Variants in DEF6 observed in about 807,000 individuals in gnomAD.
DEF6 encodes DEF6 guanine nucleotide exchange factor.
DEF6 carries 32 observed loss-of-function variants against 80.5 expected under a neutral mutation model. The ratio of observed to expected loss-of-function variants is 0.40; its 90% CI spans 0.30 to 0.53. The LOEUF is 0.53. Ranked by LOEUF, DEF6 falls within the 20% of genes least tolerant of loss-of-function variation. The pLI, the probability that DEF6 is intolerant of heterozygous loss-of-function variation, is 0.57. For missense variants in DEF6, 575 were observed against 818.7 expected, an observed-to-expected ratio of 0.70 and a Z score of 3.63; for synonymous variants, 300 against 337.9, an observed-to-expected ratio of 0.89 and a Z score of 1.23.
intron 5 of DEF6, among the ~76,000 whole-genome samples, chr6:35,316,884 C>T (rs1791530591): frequency 6.6e-6 from 1 of 152,220 alleles, no homozygotes; most frequent in Non-Finnish European, 1.5e-5. Flanking sequence ...TACTCCCTGA[C>T]CCCAGCTCCT....
chr6:35,321,217 C>G lies in DEF6; in HGVS notation c.1703C>G (p.Ser568Ter). Residue 568 changes from serine to a stop codon, truncating the protein, a stop_gained, in exon 11 of 11, where the codon TCA becomes TGA. Coordinates refer to ENST00000316637, the MANE Select transcript of DEF6 (RefSeq NM_022047.4). LOFTEE classifies it high-confidence loss of function. ...DKRPVTSSSF[S>*]GFQPPLLAHR... is the part of the protein sequence containing the mutation. ...CGTCCGGTCACCAGCAGCTCCTTCT[C>G]AGGCTTCCAGCCCCCTCTGCTTGCC... is the stretch of plus-strand genomic sequence containing the variant. 1 of 1,613,066 alleles carries G rather than the reference C, an allele frequency of 6.2e-7. No homozygotes were observed. The highest frequency in any genetic ancestry group is 8.5e-7 in the Non-Finnish European group (1 of 1,179,974).
At chr6:35,313,346 A>G in intron 5 of DEF6, 1 of 423,308 alleles carries the variant, frequency 2.4e-6, no homozygotes, top group Non-Finnish European at 4.6e-6. Flanking sequence ...TTCTTTTGAT[A>G]TATAACAGAT....
chr6:35,304,411 A>C (rs777619459), intron 1 of DEF6, among the ~76,000 whole-genome samples: 4 of 152,234 alleles, frequency 2.6e-5, no homozygotes, highest in Non-Finnish European at 4.4e-5. Context: ...GGGAGGAGGA[A>C]AGGGTTTGAG....
intron 1 of DEF6, among the ~76,000 whole-genome samples, chr6:35,301,536 C>T (rs1791314433): frequency 6.6e-6 from 1 of 152,150 alleles, no homozygotes; most frequent in Admixed American, 6.6e-5. Flanking sequence ...CCTCTCCTTT[C>T]CCTTAACTGG....
At chr6:35,308,266 C>T (rs549559123) in intron 1 of DEF6, among the ~76,000 whole-genome samples, 3 of 152,076 alleles carry the variant, frequency 2.0e-5, no homozygotes, top group African/African-American at 4.8e-5. Flanking sequence ...TGTAGTGGCT[C>T]ATGCCTGAAA....
chr6:35,314,111 A>G (rs1791498397), intron 5 of DEF6, among the ~76,000 whole-genome samples: 1 of 152,184 alleles, frequency 6.6e-6, no homozygotes, highest in Non-Finnish European at 1.5e-5. Context: ...ATCTTTTTAC[A>G]GAAAAGATAT....
Position 35,312,255 on chromosome 6 carries a change from G to T in DEF6, c.424-47G>T, listed in dbSNP as rs1432993411. ...AGAGCACTCCCTGGTGTTGGTGCTG[G>T]CAACACCACCTGCTGCAGCTACCAG... On this transcript the variant is annotated intron_variant, in intron 3 of 10. Transcript: ENST00000316637. The surrounding 1 kb of genome is among the most constrained non-coding windows in gnomAD (Gnocchi z 6.6). 3 of 1,543,234 alleles carry T rather than the reference G, an allele frequency of 1.9e-6. 1 individual carries two copies. The South Asian group carries it at 3.4e-5, about 18-fold the overall frequency.
intron 2 of DEF6, 34 bp downstream of exon 2, chr6:35,309,844 T>C: frequency 6.2e-7 from 1 of 1,608,790 alleles, no homozygotes; most frequent in Non-Finnish European, 8.5e-7. Context: ...ATCTGTAACC[T>C]CTCCCCACTT....
intron 1 of DEF6, among the ~76,000 whole-genome samples, chr6:35,308,736 T>A (rs1447144894): frequency 2.5e-4 from 36 of 141,898 alleles, no homozygotes; most frequent in African/African-American, 9.4e-4. Flanking sequence ...ATAAATAAAA[T>A]AATAAAATAA....
At chr6:35,310,075 G>C (rs576921602) in intron 2 of DEF6, among the ~76,000 whole-genome samples, 2 of 150,720 alleles carry the variant, frequency 1.3e-5, no homozygotes, top group Admixed American at 6.6e-5. Context: ...ATCCCTGCCC[G>C]GCCCTCCTCC....
In DEF6 at chr6:35,321,713, C is replaced by A; in HGVS notation, c.*303C>A. On this transcript the variant is annotated 3_prime_UTR_variant, in exon 11 of 11. Coordinates refer to ENST00000316637, the MANE Select transcript of DEF6 (RefSeq NM_022047.4). ...ACAAGCAAGCCGGGGCTACCTGCCC[C>A]CAGGTGGCCACCAAGTTGTGGAAGC... 1 of 284,942 alleles carries A rather than the reference C, an allele frequency of 3.5e-6. No homozygotes were observed. The highest frequency in any genetic ancestry group is 6.5e-6 in the Non-Finnish European group (1 of 153,468). The allele number at this position is 284,942 out of a possible 1,614,324, so 17.7% of individuals were successfully genotyped here.
At chr6:35,308,644 A>G (rs958423010) in intron 1 of DEF6, among the ~76,000 whole-genome samples, 7 of 150,352 alleles carry the variant, frequency 4.7e-5, no homozygotes, top group South Asian at 2.1e-4. Context: ...CTGCACTCCA[A>G]CCTGGGTGAC....
chr6:35,315,539 T>A (rs1380071612), intron 5 of DEF6, among the ~76,000 whole-genome samples: 1 of 152,192 alleles, frequency 6.6e-6, no homozygotes, highest in Non-Finnish European at 1.5e-5. Flanking sequence ...TTGCTTTGGG[T>A]AATATTGTTA....
intron 1 of DEF6, among the ~76,000 whole-genome samples, chr6:35,308,244 G>A (rs1001350279): frequency 2.0e-5 from 3 of 152,076 alleles, no homozygotes; most frequent in African/African-American, 4.8e-5. Flanking sequence ...TATAAAAAGC[G>A]CTTTGACTGG....
At position 35,321,529 on chromosome 6, in the gene DEF6, C is replaced by CA; in HGVS notation, c.*120dup. 1 of 908,964 alleles carries CA rather than the reference C, an allele frequency of 1.1e-6. No individual in the cohort carries two copies. The highest frequency in any genetic ancestry group is 1.7e-6 in the Non-Finnish European group (1 of 603,872). The allele number at this position is 908,964 out of a possible 1,614,324, so 56.3% of individuals were successfully genotyped here. A position where few individuals can be genotyped will look rare whatever the true frequency, so the allele number is the denominator to read the frequency against. On this transcript the variant is annotated 3_prime_UTR_variant, in exon 11 of 11. Transcript: ENST00000316637. ...AGCTGAGGTCCTGGTGCCAGGGGCC[C>CA]AGGCCCTCCAACCATAAACAGTCCA...
In DEF6 at chr6:35,319,983, G is replaced by A. The variant is rs768317306; in HGVS notation, c.1547G>A (p.Arg516Gln). ...GCCCAGCAGCAGCTGGAGGAGGTGC[G>A]GCAGAACCGGCAGAGGGCTGACGAG... ...QQAQQQLEEV[R>Q]QNRQRADEDV... The change falls in exon 9 of 11, where the codon CGG becomes CAG. Residue 516 changes from arginine to glutamine, a missense_variant. Transcript: ENST00000316637. This position sits in a 1 kb window ranked among gnomAD's most constrained non-coding sequence, Gnocchi z 4.5. The A allele has an allele frequency of 7.7e-6, 12 of 1,563,816 alleles. No homozygotes were observed. The highest frequency in any genetic ancestry group is 1.3e-5 in the African/African-American group (1 of 74,368).
chr6:35,314,540 T>C (rs1791503813), intron 5 of DEF6, among the ~76,000 whole-genome samples: 1 of 152,204 alleles, frequency 6.6e-6, no homozygotes, highest in South Asian at 2.1e-4. Context: ...TTTTTTCATA[T>C]CTCTGTTGAC....
At position 35,319,976 on chromosome 6, in the gene DEF6, G is replaced by C; in HGVS notation, c.1540G>C (p.Glu514Gln). ...SLQQAQQQLEEVRQNRQRADE... is the reference protein window; with the variant it reads ...SLQQAQQQLEQVRQNRQRADE... ...GCAGCAGGCCCAGCAGCAGCTGGAGGAGGTGCGGCAGAACCGGCAGAGGGC... is the reference window on the plus strand; with the variant it reads ...GCAGCAGGCCCAGCAGCAGCTGGAGCAGGTGCGGCAGAACCGGCAGAGGGC... Residue 514 changes from glutamate to glutamine, a missense_variant, in exon 9 of 11, where the codon GAG (glutamate) becomes CAG (glutamine). Coordinates refer to ENST00000316637, the MANE Select transcript of DEF6 (RefSeq NM_022047.4). This position sits in a 1 kb window ranked among gnomAD's most constrained non-coding sequence, Gnocchi z 4.5. The C allele has an allele frequency of 6.4e-7, 1 of 1,565,830 alleles. No individual in the cohort carries two copies. The highest frequency in any genetic ancestry group is 8.7e-7 in the Non-Finnish European group (1 of 1,154,628).
intron 5 of DEF6, chr6:35,313,221 C>T (rs1268301124): frequency 4.3e-5 from 15 of 345,062 alleles, no homozygotes; most frequent in Admixed American, 3.2e-4. Context: ...AAAACACAAG[C>T]GTCTTTACTA....
Sources: gnomAD v4.1 joint callset for allele counts (sites outside exome capture counted in the v4.1 genomes callset) on GRCh38, gnomAD v4.1.1 for gene constraint, Gnocchi (gnomAD v3.1) non-coding constraint, MANE v1.5 for transcripts, NCBI Gene and HGNC (gene_info 2026-07-23, HGNC 2026-07-21) for gene names.